Variants in EFCAB14 observed in about 807,000 individuals in gnomAD.
The protein encoded by EFCAB14 is EF-hand calcium binding domain 14.
EFCAB14 carries 43 observed loss-of-function variants against 56.5 expected under a neutral mutation model. The ratio of observed to expected loss-of-function variants is 0.76; its 90% CI spans 0.60 to 0.98. The LOEUF (loss-of-function observed/expected upper bound fraction) is 0.98, where lower values mean the gene tolerates loss of function less well. Ranked by LOEUF, EFCAB14 falls within the 50% of genes least tolerant of loss-of-function variation. The pLI, the probability that EFCAB14 is intolerant of heterozygous loss-of-function variation, is 0.00. For missense variants in EFCAB14, 538 were observed against 580.3 expected, an observed-to-expected ratio of 0.93 and a Z score of 0.75; for synonymous variants, 235 against 212.9, an observed-to-expected ratio of 1.10 and a Z score of -0.90.
intron 10 of EFCAB14, among the ~76,000 whole-genome samples, chr1:46,680,078 T>C (rs1192839299): frequency 1.3e-5 from 2 of 152,044 alleles, no homozygotes; most frequent in African/African-American, 4.8e-5. Flanking sequence ...AGGGAGGATG[T>C]GGAGAAAGTG....
chr1:46,695,616 C>T (rs1483787646), intron 4 of EFCAB14, among the ~76,000 whole-genome samples: 4 of 152,180 alleles, frequency 2.6e-5, no homozygotes, highest in Admixed American at 2.6e-4. Context: ...TGGGGAATCC[C>T]TTCTTCCATT....
chr1:46,694,630 G>A (rs900283300), intron 4 of EFCAB14, among the ~76,000 whole-genome samples: 1 of 152,150 alleles, frequency 6.6e-6, no homozygotes, highest in Non-Finnish European at 1.5e-5. Context: ...ACTGTTGGTG[G>A]GACTGTAAAC....
chr1:46,694,081 G>C (rs1482267990), intron 4 of EFCAB14, among the ~76,000 whole-genome samples: 4 of 152,218 alleles, frequency 2.6e-5, no homozygotes, highest in Non-Finnish European at 5.9e-5. Context: ...ATTAATTCAA[G>C]ATGGATTAAA....
intron 9 of EFCAB14, 72 bp from the exon 10 acceptor site, chr1:46,683,497 A>G: frequency 1.4e-6 from 2 of 1,474,342 alleles, no homozygotes; most frequent in Non-Finnish European, 9.2e-7. Flanking sequence ...ATCGAAGGTC[A>G]CCTTTTAGGA....
chr1:46,682,746 A>T (rs1676815837), intron 10 of EFCAB14, among the ~76,000 whole-genome samples: 1 of 152,256 alleles, frequency 6.6e-6, no homozygotes, highest in Admixed American at 6.5e-5. Context: ...AGCTTCGGCC[A>T]GGTGAGTTGG....
chr1:46,697,160 T>G (rs1322078222), intron 3 of EFCAB14, among the ~76,000 whole-genome samples: 1 of 152,290 alleles, frequency 6.6e-6, no homozygotes, highest in Middle Eastern at 3.4e-3. Context: ...GAACAGCACT[T>G]TCAACTACTT....
chr1:46,690,251 G>A (rs1676969560), intron 5 of EFCAB14, among the ~76,000 whole-genome samples: 1 of 152,144 alleles, frequency 6.6e-6, no homozygotes, highest in African/African-American at 2.4e-5. Flanking sequence ...CACTGCTCAA[G>A]TTTCTTTCCA....
chr1:46,710,724 T>C (rs1677295914), intron 2 of EFCAB14, among the ~76,000 whole-genome samples: 1 of 152,080 alleles, frequency 6.6e-6, no homozygotes, highest in Non-Finnish European at 1.5e-5. Context: ...CAGCTATTTT[T>C]AATTTTTTTA....
At chr1:46,711,045 G>C (rs779720071) in intron 2 of EFCAB14, among the ~76,000 whole-genome samples, 2 of 152,012 alleles carry the variant, frequency 1.3e-5, no homozygotes, top group Non-Finnish European at 2.9e-5. Context: ...ATCTGCTGTT[G>C]GACACCTAGG....
intron 10 of EFCAB14, among the ~76,000 whole-genome samples, chr1:46,682,456 T>C (rs1433312363): frequency 6.6e-6 from 1 of 152,216 alleles, no homozygotes; most frequent in Non-Finnish European, 1.5e-5. Flanking sequence ...AATCATATCC[T>C]TTGTACTAAT....
chr1:46,692,035 G>T, intron 4 of EFCAB14, 98 bp from the exon 5 acceptor site: 1 of 847,040 alleles, frequency 1.2e-6, no homozygotes, highest in Non-Finnish European at 1.8e-6. Context: ...TGAATGTTTT[G>T]ACACATAAAC....
At chr1:46,705,930 T>C (rs1402563712) in intron 3 of EFCAB14, among the ~76,000 whole-genome samples, 2 of 151,862 alleles carry the variant, frequency 1.3e-5, no homozygotes, top group Non-Finnish European at 2.9e-5. Context: ...AGTGACACGA[T>C]TACAGCTCAC....
chr1:46,682,674 G>A (rs1676814342), intron 10 of EFCAB14, among the ~76,000 whole-genome samples: 1 of 152,188 alleles, frequency 6.6e-6, no homozygotes, highest in Non-Finnish European at 1.5e-5. Flanking sequence ...GAGGCACTCA[G>A]TGAATGAAGA....
At position 46,676,172 on chromosome 1, in the gene EFCAB14, TG is replaced by T. The variant is rs756349486; in HGVS notation, c.*2288del. ...GAGTTCAAGATACCCTACTTTTGCC[TG>T]GAAGATGTACTTTCTCAGGCAGGAT... On this transcript the variant is annotated 3_prime_UTR_variant, in exon 11 of 11. Transcript: ENST00000371933. 3 of 152,222 alleles carry T rather than the reference TG, an allele frequency of 2.0e-5. No individual in the cohort carries two copies. The highest frequency in any genetic ancestry group is 2.9e-5 in the Non-Finnish European group (2 of 68,034). 9.4% of individuals were successfully genotyped at this position (152,222 alleles called of 1,614,324 possible).
At chr1:46,689,531 G>A in intron 6 of EFCAB14, 56 bp downstream of exon 6, 1 of 1,539,328 alleles carries the variant, frequency 6.5e-7, no homozygotes, top group Non-Finnish European at 9.0e-7. Flanking sequence ...CAAACTATTT[G>A]GCTGCCTCTG....
At chr1:46,703,647 C>T (rs1023575983) in intron 3 of EFCAB14, among the ~76,000 whole-genome samples, 4 of 152,124 alleles carry the variant, frequency 2.6e-5, no homozygotes, top group African/African-American at 7.2e-5. Context: ...GGCTGAGGGA[C>T]ATTTTTGAAC....
intron 3 of EFCAB14, among the ~76,000 whole-genome samples, chr1:46,697,854 C>CTTT (rs759488898): frequency 9.7e-5 from 13 of 134,616 alleles, no homozygotes; most frequent in African/African-American, 2.8e-4. Flanking sequence ...CTCTCTCTCT[C>CTTT]TTTTTTTTTT....
intron 10 of EFCAB14, among the ~76,000 whole-genome samples, chr1:46,681,670 T>TTG (rs1162358687): frequency 5.3e-5 from 8 of 151,404 alleles, no homozygotes; most frequent in Non-Finnish European, 1.0e-4. Context: ...TCTGTTTTTT[T>TTG]TTTTCTTTTT....
chr1:46,689,162 G>A (rs968039801), intron 6 of EFCAB14, among the ~76,000 whole-genome samples: 3 of 151,716 alleles, frequency 2.0e-5, no homozygotes, highest in Non-Finnish European at 4.4e-5. Context: ...TTGCCTTTTC[G>A]TCTTTAGACT....
Sources: allele counts gnomAD v4.1 joint callset (sites outside exome capture counted in the v4.1 genomes callset), GRCh38; gene constraint gnomAD v4.1.1; transcripts MANE v1.5; gene names NCBI Gene and HGNC (gene_info 2026-07-23, HGNC 2026-07-21).